Variants in EVI5 observed in about 807,000 individuals in gnomAD.
The protein encoded by EVI5 is ecotropic viral integration site 5.
EVI5 carries 73 observed loss-of-function variants against 112.0 expected under a neutral mutation model. The observed-to-expected ratio is 0.65, with a 90% CI of 0.54 to 0.79. The LOEUF (loss-of-function observed/expected upper bound fraction) is 0.79. EVI5 is among the 30% of genes least tolerant of loss of function. The probability of loss-of-function intolerance (pLI) is 0.00; values close to 1 mark genes in which losing one functional copy is unlikely to be tolerated. For synonymous variants in EVI5, 305 were observed against 319.9 expected, an observed-to-expected ratio of 0.95 and a Z score of 0.50; for missense variants, 900 against 968.8, an observed-to-expected ratio of 0.93 and a Z score of 0.94.
chr1:92,658,437 C>T (rs1663397213), intron 13 of EVI5, among the ~76,000 whole-genome samples: 1 of 152,112 alleles, frequency 6.6e-6, no homozygotes, highest in African/African-American at 2.4e-5. Flanking sequence ...ACACCAATAA[C>T]AATCAAGCTG....
chr1:92,529,387 T>C (rs912320815), intron 19 of EVI5, among the ~76,000 whole-genome samples: 1 of 152,216 alleles, frequency 6.6e-6, no homozygotes, highest in Non-Finnish European at 1.5e-5. Flanking sequence ...TTCTTTTAAC[T>C]GTCAGACTGA....
At chr1:92,596,864 C>T (rs1055907777) in intron 18 of EVI5, among the ~76,000 whole-genome samples, 1 of 152,050 alleles carries the variant, frequency 6.6e-6, no homozygotes, top group Non-Finnish European at 1.5e-5. Context: ...CAAAGAGTTT[C>T]AGAACTTTCT....
chr1:92,586,825 T>C lies in EVI5; in HGVS notation c.2070+18482A>G, dbSNP rs961576625. On this transcript the variant is annotated intron_variant, in intron 18 of 19. Coordinates refer to ENST00000684568, the MANE Select transcript of EVI5 (RefSeq NM_001350197.2). Reference sequence around the variant, plus strand: ...TAGCTACATATGTATACATGTGCCATGCTGGTGTGCTGCACAGAATCAGCC... The same window carrying C: ...TAGCTACATATGTATACATGTGCCACGCTGGTGTGCTGCACAGAATCAGCC... 5.9e-5 allele frequency among the ~76,000 whole-genome samples: 9 copies of C among 152,134 alleles called. No individual in the cohort carries two copies. The East Asian group carries it at 1.7e-3, about 29-fold the overall frequency.
chr1:92,701,863 A>G lies in EVI5; in HGVS notation c.639+278T>C, dbSNP rs1031969580. On this transcript the variant is annotated intron_variant, in intron 5 of 19. Coordinates refer to ENST00000684568, the MANE Select transcript of EVI5 (RefSeq NM_001350197.2). Reference sequence around the variant, plus strand: ...ATTACTCTTCATTAAATGTTAACAAATAAGATTTTAAACTACTGTAGATTC... The same window carrying G: ...ATTACTCTTCATTAAATGTTAACAAGTAAGATTTTAAACTACTGTAGATTC... Among the ~76,000 whole-genome samples the G allele has an allele frequency of 9.3e-5, 14 of 150,292 alleles. No homozygotes were observed. The East Asian group carries it at 1.2e-3, about 13-fold the overall frequency.
chr1:92,698,470 T>C (rs188684984), intron 5 of EVI5, among the ~76,000 whole-genome samples: 17 of 152,306 alleles, frequency 1.1e-4, no homozygotes, highest in Admixed American at 6.5e-4. Context: ...AAAGGTCCCC[T>C]GATACGGTAA....
intron 18 of EVI5, among the ~76,000 whole-genome samples, chr1:92,587,367 T>C (rs905120119): frequency 1.6e-5 from 2 of 126,060 alleles, no homozygotes; most frequent in Admixed American, 8.6e-5. Context: ...ACGAAAGCCA[T>C]AAACGATTGT....
chr1:92,775,219 G>T (rs1683956545), intron 1 of EVI5, among the ~76,000 whole-genome samples: 1 of 152,178 alleles, frequency 6.6e-6, no homozygotes. Flanking sequence ...TTTGAGGTCA[G>T]GAGTTCAAGA....
chr1:92,536,473 A>G (rs1290999368), intron 19 of EVI5, among the ~76,000 whole-genome samples: 1 of 152,226 alleles, frequency 6.6e-6, no homozygotes, highest in African/African-American at 2.4e-5. Context: ...AACACTATTT[A>G]TAAAAGATTA....
chr1:92,781,365 G>A (rs993401193), intron 1 of EVI5, among the ~76,000 whole-genome samples: 1 of 151,956 alleles, frequency 6.6e-6, no homozygotes, highest in Admixed American at 6.6e-5. Context: ...AAATTAGCCA[G>A]GCATGGTGGC....
At chr1:92,753,358 T>C (rs1318000903) in intron 1 of EVI5, among the ~76,000 whole-genome samples, 1 of 152,010 alleles carries the variant, frequency 6.6e-6, no homozygotes, top group East Asian at 1.9e-4. Flanking sequence ...AATCAATCAA[T>C]AGAAAAGCAC....
intron 2 of EVI5, among the ~76,000 whole-genome samples, chr1:92,710,264 G>A (rs1206772245): frequency 6.6e-6 from 1 of 151,724 alleles, no homozygotes; most frequent in African/African-American, 2.4e-5. Flanking sequence ...AATCGCCTGA[G>A]CCCCGGAAGT....
chr1:92,764,431 A>G (rs1247170381), intron 1 of EVI5, among the ~76,000 whole-genome samples: 1 of 152,238 alleles, frequency 6.6e-6, no homozygotes, highest in Non-Finnish European at 1.5e-5. Context: ...AATTCTTTCC[A>G]TAATTCCGTT....
At chr1:92,653,125 T>C (rs941977215) in intron 13 of EVI5, among the ~76,000 whole-genome samples, 3 of 152,180 alleles carry the variant, frequency 2.0e-5, no homozygotes, top group African/African-American at 4.8e-5. Flanking sequence ...GCAGCAGCGA[T>C]AGGGTGCTAT....
At chr1:92,654,893 A>C (rs1302359167) in intron 13 of EVI5, among the ~76,000 whole-genome samples, 1 of 152,246 alleles carries the variant, frequency 6.6e-6, no homozygotes, top group East Asian at 1.9e-4. Flanking sequence ...GCTTAAAGAC[A>C]GGTCTATTGA....
chr1:92,785,237 G>C, upstream of EVI5: 1 of 325,698 alleles, frequency 3.1e-6, no homozygotes, highest in Non-Finnish European at 4.4e-6. Flanking sequence ...GGAGTGCAGA[G>C]GAGGCGGGGA....
chr1:92,728,173 T>G (rs1437623592), intron 2 of EVI5, among the ~76,000 whole-genome samples: 2 of 152,096 alleles, frequency 1.3e-5, no homozygotes, highest in Admixed American at 1.3e-4. Context: ...TACAAGAGGA[T>G]ATAACAATCC....
chr1:92,646,266 C>G (rs1660943048), intron 13 of EVI5, among the ~76,000 whole-genome samples: 1 of 152,152 alleles, frequency 6.6e-6, no homozygotes, highest in Admixed American at 6.5e-5. Context: ...CACTGAAAAT[C>G]ACATTTAAGT....
chr1:92,619,480 C>T (rs932467997), intron 16 of EVI5, among the ~76,000 whole-genome samples: 3 of 151,288 alleles, frequency 2.0e-5, no homozygotes, highest in Non-Finnish European at 4.4e-5. Flanking sequence ...TTAGTTCTGC[C>T]CCTCTAGAGA....
chr1:92,755,336 A>G (rs1031152360), intron 1 of EVI5, among the ~76,000 whole-genome samples: 2 of 152,130 alleles, frequency 1.3e-5, no homozygotes, highest in African/African-American at 4.8e-5. Context: ...ACTTGAACCC[A>G]GGAGGCAGAT....
Sources: gnomAD v4.1 joint callset for allele counts (sites outside exome capture counted in the v4.1 genomes callset) on GRCh38, gnomAD v4.1.1 for gene constraint, MANE v1.5 for transcripts, NCBI Gene and HGNC (gene_info 2026-07-23, HGNC 2026-07-21) for gene names.